The following UACA variants were observed in gnomAD, a reference collection of about 807,000 sequenced individuals.
UACA encodes uveal autoantigen with coiled-coil domains and ankyrin repeats, also known as nuclear membrane binding protein.
A neutral mutation model predicts 160.5 loss-of-function variants in UACA; 112 were observed. The ratio of observed to expected loss-of-function variants is 0.70; its 90% confidence interval spans 0.60 to 0.82. The LOEUF (loss-of-function observed/expected upper bound fraction) is 0.82. Among genes scored for constraint, UACA ranks in the 40% least tolerant of loss-of-function variants. The probability of loss-of-function intolerance (pLI) is 0.00; values close to 1 mark genes in which losing one functional copy is unlikely to be tolerated. For synonymous variants in UACA, 557 were observed against 568.4 expected, an observed-to-expected ratio of 0.98 and a Z score of 0.29; for missense variants, 1,574 against 1,614.6, an observed-to-expected ratio of 0.97 and a Z score of 0.43.
intron 1 of UACA, among the ~76,000 whole-genome samples, chr15:70,716,420 T>A (rs560882627): frequency 6.6e-6 from 1 of 152,258 alleles, no homozygotes; most frequent in South Asian, 2.1e-4. Context: ...CAGCCCAAAT[T>A]GCTGACCTAC....
chr15:70,687,590 T>G lies in UACA; in HGVS notation c.552A>C (p.Gln184His). The part of the protein sequence containing the change: ...ATQMSRPTIC[Q>H]LLIDRGADVN... ...CATCCGCTCCTCTATCTATCAGCAG[T>G]TGACATATTGTTGGCCTACTCATCT... Residue 184 changes from glutamine (Q) to histidine (H), a missense_variant, in exon 7 of 19, where the codon CAA (glutamine) becomes CAC (histidine). Coordinates refer to ENST00000322954, the MANE Select transcript of UACA (RefSeq NM_018003.4). 6.2e-7 allele frequency: 1 copy of G among 1,613,976 alleles called. No homozygotes were observed. The highest frequency in any genetic ancestry group is 8.5e-7 in the Non-Finnish European group (1 of 1,179,860).
In UACA at chr15:70,664,756, T is replaced by C; in HGVS notation, c.4019A>G (p.Gln1340Arg). 1 of 1,613,668 alleles carries C rather than the reference T, an allele frequency of 6.2e-7. No individual in the cohort carries two copies. Among genetic ancestry groups the C allele is most frequent in the Non-Finnish European group, 8.5e-7 (1 of 1,179,836 alleles). Residue 1340 changes from glutamine (Q) to arginine (R), a missense_variant, in exon 17 of 19, where the codon CAA becomes CGA. Gln to Arg is a conservative substitution (Grantham distance 43). Transcript: ENST00000322954. ...RLKQALNGLS[Q>R]LTYTSGNPTK... ...GGGGTTCCCACTTGTGTAGGTGAGT[T>C]GGGAAAGGCCATTGAGTGCCTGTTT... is the stretch of plus-strand genomic sequence containing the variant.
At chr15:70,740,429 C>T (rs1346350306) in intron 1 of UACA, among the ~76,000 whole-genome samples, 4 of 143,312 alleles carry the variant, frequency 2.8e-5, no homozygotes, top group Non-Finnish European at 4.5e-5. Context: ...GCCTAGGCAA[C>T]GAAATGAGGC....
At chr15:70,742,973 A>G (rs1326638305) in intron 1 of UACA, among the ~76,000 whole-genome samples, 3 of 152,204 alleles carry the variant, frequency 2.0e-5, no homozygotes, top group African/African-American at 7.2e-5. Context: ...CTCAAGGCCA[A>G]AATCAAGGTG....
chr15:70,700,840 C>T (rs999761306), intron 1 of UACA, among the ~76,000 whole-genome samples: 1 of 151,890 alleles, frequency 6.6e-6, no homozygotes. Flanking sequence ...GGATATTTTT[C>T]ACTTAACTTA....
chr15:70,740,594 T>C (rs774575497), intron 1 of UACA, among the ~76,000 whole-genome samples: 37 of 137,808 alleles, frequency 2.7e-4, no homozygotes, highest in South Asian at 2.3e-4. Context: ...CCATGTTTCC[T>C]GCCACTGCAC....
At chr15:70,665,152 G>A (rs1896859946) in intron 16 of UACA, among the ~76,000 whole-genome samples, 1 of 152,198 alleles carries the variant, frequency 6.6e-6, no homozygotes, top group Non-Finnish European at 1.5e-5. Context: ...TGGAACACAG[G>A]AAGGGAAGGG....
chr15:70,761,815 A>G (rs950220853), intron 1 of UACA, among the ~76,000 whole-genome samples: 2 of 152,232 alleles, frequency 1.3e-5, no homozygotes, highest in Non-Finnish European at 2.9e-5. Flanking sequence ...CATGCTGATA[A>G]TACCTACTAA....
chr15:70,683,335 G>A lies in UACA; in HGVS notation c.785-540C>T, dbSNP rs185544471. 4.6e-5 allele frequency among the ~76,000 whole-genome samples: 7 copies of A among 151,982 alleles called. No homozygotes were observed. In the East Asian group the frequency reaches 1.4e-3, roughly 29 times the overall value. ...GATGGCACCACTATACTCTAGCCTG[G>A]GCAACAAAGGGAGACCCCATATCTA... On this transcript the variant is annotated intron_variant, in intron 8 of 18. Coordinates refer to ENST00000322954, the MANE Select transcript of UACA (RefSeq NM_018003.4).
chr15:70,747,244 T>TG (rs1350336628), intron 1 of UACA, among the ~76,000 whole-genome samples: 13 of 146,888 alleles, frequency 8.9e-5, no homozygotes, highest in African/African-American at 2.8e-4. Context: ...TTTTTGGGTT[T>TG]TTTTTTTTTT....
chr15:70,769,879 C>A, the UACA span, among the ~76,000 whole-genome samples: 184 of 152,172 alleles, frequency 1.2e-3, 3 homozygotes, highest in East Asian at 0.034. Context: ...CACCTGTAAT[C>A]CCAGCCACTC....
Position 70,699,548 on chromosome 15 carries a change from A to T in UACA, c.191T>A (p.Leu64Gln), listed in dbSNP as rs1362621562. The T allele has an allele frequency of 2.5e-6, 4 of 1,610,572 alleles. No homozygotes were observed. Among genetic ancestry groups the T allele is most frequent in the Non-Finnish European group, 2.5e-6 (3 of 1,179,224 alleles). ...TTACACAGATCTGCCTTCCACATCT[A>T]GTTTGCCTGGATTGACCCCCTTTTT... ...LAKKGVNPGK[L>Q]DVEGRSVFHV... The change falls in exon 2 of 19, where the codon CTA becomes CAA. Residue 64 changes from leucine (L) to glutamine (Q), a missense_variant. Leu to Gln is a moderately radical substitution (Grantham distance 113). Transcript: ENST00000322954.
In UACA at chr15:70,755,731, C is replaced by T. The variant is rs576436262; in HGVS notation, c.78+7599G>A. 5.3e-5 allele frequency among the ~76,000 whole-genome samples: 8 copies of T among 151,484 alleles called. No individual in the cohort carries two copies. In the East Asian group the frequency reaches 7.8e-4, roughly 15 times the overall value. ...CCTTTACCACAATCCCCAAGCTGCA[C>T]GCCCTCTAACTCCCTATTTTCAATA... On this transcript the variant is annotated intron_variant, in intron 1 of 18. Coordinates refer to ENST00000322954, the MANE Select transcript of UACA (RefSeq NM_018003.4).
intron 1 of UACA, among the ~76,000 whole-genome samples, chr15:70,735,159 A>AAAAAATTCTC (rs1555415832): frequency 4.9e-5 from 3 of 60,792 alleles, no homozygotes; most frequent in African/African-American, 1.0e-4. Flanking sequence ...AAAAAAAAAA[A>AAAAAATTCTC]AAAAAAAAAA....
Position 70,669,093 on chromosome 15 carries a change from C to T in UACA, c.1591G>A (p.Ala531Thr), listed in dbSNP as rs1386348273. 6.2e-7 allele frequency: 1 copy of T among 1,614,084 alleles called. No homozygotes were observed. Among genetic ancestry groups the T allele is most frequent in the Non-Finnish European group, 8.5e-7 (1 of 1,180,022 alleles). ...LALKEHLTSEAASGNHRLTEE... is the reference protein window; with the variant it reads ...LALKEHLTSETASGNHRLTEE... ...GTTAGTCTGTGATTCCCTGAGGCTG[C>T]TTCACTTGTTAAGTGTTCTTTAAGG... Residue 531 changes from alanine to threonine, a missense_variant, in exon 16 of 19, where the codon GCA becomes ACA. Ala to Thr is a moderately conservative substitution (Grantham distance 58). Coordinates refer to ENST00000322954, the MANE Select transcript of UACA (RefSeq NM_018003.4).
At chr15:70,755,236 A>C (rs1354915628) in intron 1 of UACA, among the ~76,000 whole-genome samples, 1 of 152,218 alleles carries the variant, frequency 6.6e-6, no homozygotes, top group East Asian at 1.9e-4. Flanking sequence ...CTAGAGAGGA[A>C]GGGAGAAGCA....
At position 70,690,487 on chromosome 15, in the gene UACA, C is replaced by G. The variant is rs370021264; in HGVS notation, c.391G>C (p.Asp131His). The G allele has an allele frequency of 2.2e-5, 36 of 1,612,906 alleles. No homozygotes were observed. Among genetic ancestry groups the G allele is most frequent in the Non-Finnish European group, 3.1e-5 (36 of 1,179,520 alleles). ...TGAAGTGCAGTTCTTCCCTGCAGGT[C>G]TGCATGCTCAGTGGGACAATTGTAC... ...LQYNCPTEHADLQGRTALHDA... is the reference protein window; with the variant it reads ...LQYNCPTEHAHLQGRTALHDA... The change falls in exon 5 of 19, where the codon GAC becomes CAC. Residue 131 changes from aspartate to histidine, a missense_variant. By Grantham distance (81) the Asp-to-His change is moderately conservative (BLOSUM62 -1). Transcript: ENST00000322954.
chr15:70,736,433 A>G (rs16954748), intron 1 of UACA, among the ~76,000 whole-genome samples: 7,356 of 152,188 alleles, frequency 0.048, 637 homozygotes, highest in African/African-American at 0.17. Flanking sequence ...TAAGTATTCA[A>G]CATGCTTTTT....
At position 70,667,304 on chromosome 15, in the gene UACA, G is replaced by A; in HGVS notation, c.3380C>T (p.Thr1127Ile). The change falls in exon 16 of 19, where the codon ACA (threonine) becomes ATA (isoleucine). Residue 1127 changes from threonine (T) to isoleucine (I), a missense_variant. Physicochemically the swap from Thr to Ile is moderately conservative, Grantham distance 89. Transcript: ENST00000322954. ...CAGTTCTTCCTTTAGATTTTCAATTGTGCCATTAAGAGATTTTTTCAGAGC... is the reference window on the plus strand; with the variant it reads ...CAGTTCTTCCTTTAGATTTTCAATTATGCCATTAAGAGATTTTTTCAGAGC... ...VEALKKSLNG[T>I]IENLKEELKS... 1 of 1,610,990 alleles carries A rather than the reference G, an allele frequency of 6.2e-7. No homozygotes were observed. The highest frequency in any genetic ancestry group is 8.5e-7 in the Non-Finnish European group (1 of 1,179,346).
Sources: allele counts gnomAD v4.1 joint callset (sites outside exome capture counted in the v4.1 genomes callset), GRCh38; gene constraint gnomAD v4.1.1; transcripts MANE v1.5; gene names NCBI Gene and HGNC (gene_info 2026-07-23, HGNC 2026-07-21).